Variants in SLC24A2 observed in about 807,000 individuals in gnomAD.
The protein encoded by SLC24A2 is sodium/potassium/calcium exchanger 2.
In SLC24A2, 36 loss-of-function variants were observed where a neutral mutation model predicts 62.0. The ratio of observed to expected loss-of-function variants is 0.58; its 90% CI spans 0.44 to 0.77. SLC24A2 has a LOEUF of 0.77. SLC24A2 is among the 30% of genes least tolerant of loss of function. The probability of loss-of-function intolerance (pLI) is 0.00; values close to 1 mark genes in which losing one functional copy is unlikely to be tolerated. For missense variants in SLC24A2, 846 were observed against 817.9 expected (o/e 1.03, Z -0.42); for synonymous variants, 358 against 294.0 (o/e 1.22, Z -2.23).
At chr9:19,807,966 C>T in the SLC24A2 span, among the ~76,000 whole-genome samples, 1 of 152,158 alleles carries the variant, frequency 6.6e-6, no homozygotes, top group Non-Finnish European at 1.5e-5. Context: ...ATGGTTATTC[C>T]TTTCAGTTAA....
At chr9:19,753,604 A>C (rs1822049062) in intron 2 of SLC24A2, among the ~76,000 whole-genome samples, 1 of 152,172 alleles carries the variant, frequency 6.6e-6, no homozygotes, top group Admixed American at 6.5e-5. Flanking sequence ...GTAGTATCTG[A>C]ATCTCCAAGT....
the SLC24A2 span, among the ~76,000 whole-genome samples, chr9:19,822,482 T>C: frequency 6.6e-6 from 1 of 152,176 alleles, no homozygotes; most frequent in African/African-American, 2.4e-5. Flanking sequence ...TCCCCACCGA[T>C]GTCTCATCTT....
the SLC24A2 span, among the ~76,000 whole-genome samples, chr9:20,153,513 T>C: frequency 6.6e-6 from 1 of 151,940 alleles, no homozygotes; most frequent in Non-Finnish European, 1.5e-5. Flanking sequence ...AGGTACCTCA[T>C]CTTTAAAATA....
intron 4 of SLC24A2, among the ~76,000 whole-genome samples, 187 bp downstream of exon 4, chr9:19,619,397 A>G (rs1817852309): frequency 6.6e-6 from 1 of 152,226 alleles, no homozygotes; most frequent in African/African-American, 2.4e-5. Context: ...GGTACAAAAA[A>G]CACTGATGGT....
the SLC24A2 span, among the ~76,000 whole-genome samples, chr9:19,823,620 T>C: frequency 3.6e-5 from 5 of 137,760 alleles, no homozygotes; most frequent in African/African-American, 1.0e-4. Flanking sequence ...AGAGCAAGAC[T>C]CAGTCTCAAA....
At chr9:20,294,778 C>T in the SLC24A2 span, among the ~76,000 whole-genome samples, 1 of 152,128 alleles carries the variant, frequency 6.6e-6, no homozygotes, top group Non-Finnish European at 1.5e-5. Flanking sequence ...TCCTCAACCT[C>T]ACAAGTGCAC....
At chr9:19,560,544 A>G (rs951797306) in intron 7 of SLC24A2, among the ~76,000 whole-genome samples, 1 of 152,172 alleles carries the variant, frequency 6.6e-6, no homozygotes, top group Non-Finnish European at 1.5e-5. Flanking sequence ...GACAGCAGCC[A>G]TCTGCAAACC....
chr9:19,676,294 G>A (rs1819558358), intron 2 of SLC24A2, among the ~76,000 whole-genome samples: 1 of 152,164 alleles, frequency 6.6e-6, no homozygotes, highest in Non-Finnish European at 1.5e-5. Context: ...GGCTTTCCTG[G>A]TATGTTCCTG....
At chr9:19,880,159 G>T in the SLC24A2 span, among the ~76,000 whole-genome samples, 32 of 152,128 alleles carry the variant, frequency 2.1e-4, no homozygotes, top group Non-Finnish European at 3.8e-4. Flanking sequence ...TTTTAAAAGA[G>T]AATTTATGGC....
At chr9:20,071,513 C>T in the SLC24A2 span, among the ~76,000 whole-genome samples, 2 of 152,174 alleles carry the variant, frequency 1.3e-5, no homozygotes, top group Non-Finnish European at 2.9e-5. Context: ...TTGAGGGTGA[C>T]TGTGGTAGGA....
intron 2 of SLC24A2, among the ~76,000 whole-genome samples, chr9:19,691,230 C>A (rs1820038032): frequency 6.6e-6 from 1 of 151,958 alleles, no homozygotes; most frequent in Non-Finnish European, 1.5e-5. Context: ...CTACCTCAAC[C>A]AAAAAAGGAA....
chr9:19,697,972 C>A (rs939932546), intron 2 of SLC24A2, among the ~76,000 whole-genome samples: 1 of 151,862 alleles, frequency 6.6e-6, no homozygotes, highest in Non-Finnish European at 1.5e-5. Context: ...TGGCCAATAA[C>A]AAAACAAAAC....
At chr9:20,031,329 C>CCCATATA in the SLC24A2 span, among the ~76,000 whole-genome samples, 1 of 134,648 alleles carries the variant, frequency 7.4e-6, no homozygotes, top group Non-Finnish European at 1.6e-5. Flanking sequence ...TGTGTGTGTG[C>CCCATATA]CCATATATAT....
At chr9:19,855,454 T>C in the SLC24A2 span, among the ~76,000 whole-genome samples, 391 of 152,356 alleles carry the variant, frequency 2.6e-3, 7 homozygotes, top group African/African-American at 8.9e-3. Flanking sequence ...ATTTAGTGCT[T>C]CCTTCAGGAG....
At chr9:19,869,223 C>T in the SLC24A2 span, among the ~76,000 whole-genome samples, 3 of 152,160 alleles carry the variant, frequency 2.0e-5, no homozygotes, top group Non-Finnish European at 4.4e-5. Flanking sequence ...TCAAGCAGTT[C>T]TCCTGCCTCG....
At chr9:19,791,982 T>C (rs1823324878), upstream of SLC24A2, among the ~76,000 whole-genome samples, 1 of 152,206 alleles carries the variant, frequency 6.6e-6, no homozygotes. Context: ...ATGGGCTCTT[T>C]TTGTTTTGAA....
chr9:20,059,818 G>A, the SLC24A2 span, among the ~76,000 whole-genome samples: 85 of 152,150 alleles, frequency 5.6e-4, no homozygotes, highest in African/African-American at 2.0e-3. Flanking sequence ...AGAGATAAGT[G>A]AAATGGAGAC....
the SLC24A2 span, among the ~76,000 whole-genome samples, chr9:19,843,394 C>T: frequency 6.6e-6 from 1 of 152,180 alleles, no homozygotes; most frequent in Non-Finnish European, 1.5e-5. Flanking sequence ...TGCCTGTAAC[C>T]CTAGCTACTC....
At chr9:19,865,153 A>T in the SLC24A2 span, among the ~76,000 whole-genome samples, 2 of 152,096 alleles carry the variant, frequency 1.3e-5, no homozygotes, top group Non-Finnish European at 2.9e-5. Context: ...TATAATGAAA[A>T]CTATAAATCA....
Sources: allele counts gnomAD v4.1 joint callset (sites outside exome capture counted in the v4.1 genomes callset), GRCh38; gene constraint gnomAD v4.1.1; transcripts MANE v1.5; gene names NCBI Gene and HGNC (gene_info 2026-07-23, HGNC 2026-07-21).